The following OR2A14 variants were observed in gnomAD, a reference collection of about 807,000 sequenced individuals.
OR2A14 encodes the protein olfactory receptor family 2 subfamily A member 14, also known as olfactory receptor 2A14.
In OR2A14, 2 loss-of-function variants were observed where a neutral mutation model predicts 2.4. The observed-to-expected ratio is 0.85, with a 90% CI of 0.35 to 2.67. OR2A14 has a LOEUF of 2.67. Among genes scored for constraint, OR2A14 ranks in the 30% most tolerant of loss-of-function variants. The pLI is 0.10. For synonymous variants in OR2A14, 160 were observed against 156.3 expected, an observed-to-expected ratio of 1.02 and a Z score of -0.18; for missense variants, 390 against 379.4, an observed-to-expected ratio of 1.03 and a Z score of -0.23.
Position 144,130,050 on chromosome 7 carries a change from T to A in OR2A14, c.*5T>A, listed in dbSNP as rs755214261. 2.5e-6 allele frequency: 4 copies of A among 1,602,876 alleles called. No individual in the cohort carries two copies. Among genetic ancestry groups the A allele is most frequent in the Non-Finnish European group, 3.4e-6 (4 of 1,173,780 alleles). The stretch of plus-strand genomic sequence containing the variant: ...AGGAAGGAGAGGCTGACGTGAGACA[T>A]CTCAAAGGGAACCATGGGGAGGGAG... On this transcript the variant is annotated 3_prime_UTR_variant, in exon 2 of 2. Coordinates refer to ENST00000641068, the MANE Select transcript of OR2A14 (RefSeq NM_001001659.3).
intron 1 of OR2A14, among the ~76,000 whole-genome samples, chr7:144,126,057 T>C (rs2051480409): frequency 6.6e-6 from 1 of 152,186 alleles, no homozygotes; most frequent in Non-Finnish European, 1.5e-5. Context: ...GCTTCTCCTT[T>C]TCAGCTTGAT....
chr7:144,129,202 C>T lies in OR2A14; in HGVS notation c.90C>T (p.Phe30=), dbSNP rs779227163. ...PALEILLCGL[F]SAFYTLTLLG... The stretch of plus-strand genomic sequence containing the variant: ...TGGAGATTCTCCTCTGTGGACTTTT[C>T]TCTGCCTTCTATACACTCACCCTGC... Residue 30 remains phenylalanine (F), a synonymous_variant, in exon 2 of 2, where the codon TTC becomes TTT. Coordinates refer to ENST00000641068, the MANE Select transcript of OR2A14 (RefSeq NM_001001659.3). The T allele has an allele frequency of 3.1e-6, 5 of 1,613,182 alleles. No individual in the cohort carries two copies. Among genetic ancestry groups the T allele is most frequent in the Non-Finnish European group, 3.4e-6 (4 of 1,180,004 alleles).
At position 144,129,705 on chromosome 7, in the gene OR2A14, TC is replaced by T. The variant is rs1423714091; in HGVS notation, c.594del (p.Phe199LeufsTer27). ...GACACCTGGCTCAACCAGGTGGTCA[TC>T]TTTGCAGCCTGCGTGTTCATCCTGG... The part of the protein sequence containing the change: ...CADTWLNQVV[I>X]FAACVFILVG... On this transcript the variant is annotated frameshift_variant, in exon 2 of 2. Transcript: ENST00000641068. LOFTEE classifies it high-confidence loss of function. The T allele has an allele frequency of 6.2e-7, 1 of 1,614,146 alleles. No individual in the cohort carries two copies. The highest frequency in any genetic ancestry group is 1.1e-5 in the South Asian group (1 of 91,074).
chr7:144,127,742 GT>G (rs1433738814), intron 1 of OR2A14, among the ~76,000 whole-genome samples: 2 of 152,076 alleles, frequency 1.3e-5, no homozygotes, highest in East Asian at 1.9e-4. Flanking sequence ...CATCAAAATT[GT>G]TTTTTTAAAA....
intron 1 of OR2A14, among the ~76,000 whole-genome samples, chr7:144,127,273 G>A (rs1388606647): frequency 6.6e-6 from 1 of 152,184 alleles, no homozygotes; most frequent in African/African-American, 2.4e-5. Context: ...GTTTGCTTAT[G>A]AAAGTAACAG....
At chr7:144,123,551 AGAG>A (rs1180912898) in intron 1 of OR2A14, among the ~76,000 whole-genome samples, 4 of 152,206 alleles carry the variant, frequency 2.6e-5, no homozygotes, top group African/African-American at 9.6e-5. Context: ...GTGCCATAGA[AGAG>A]GATCAGATAA....
At position 144,130,022 on chromosome 7, in the gene OR2A14, C is replaced by A. The variant is rs1201043691; in HGVS notation, c.910C>A (p.Leu304Met). The change falls in exon 2 of 2, where the codon CTG becomes ATG. Residue 304 changes from leucine to methionine, a missense_variant. Physicochemically the swap from Leu to Met is conservative, Grantham distance 15 (BLOSUM62 2). Coordinates refer to ENST00000641068, the MANE Select transcript of OR2A14 (RefSeq NM_001001659.3). ...GGTCAAGGGCGCCCTGAGGAGGGCACTGAGGAAGGAGAGGCTGACGTGAGA... is the reference window on the plus strand; with the variant it reads ...GGTCAAGGGCGCCCTGAGGAGGGCAATGAGGAAGGAGAGGCTGACGTGAGA... Reference protein sequence around the residue: ...AEVKGALRRALRKERLT With the variant: ...AEVKGALRRAMRKERLT 12 of 1,612,644 alleles carry A rather than the reference C, an allele frequency of 7.4e-6. No individual in the cohort carries two copies. The East Asian group carries it at 2.7e-4, about 36-fold the overall frequency.
At chr7:144,126,439 A>C (rs1327653604) in intron 1 of OR2A14, among the ~76,000 whole-genome samples, 1 of 152,112 alleles carries the variant, frequency 6.6e-6, no homozygotes, top group Non-Finnish European at 1.5e-5. Flanking sequence ...CTTTGCGTTT[A>C]CTGTTCCATT....
At chr7:144,127,107 A>G (rs930063174) in intron 1 of OR2A14, among the ~76,000 whole-genome samples, 5 of 152,200 alleles carry the variant, frequency 3.3e-5, no homozygotes, top group African/African-American at 1.2e-4. Context: ...ACATCACCTT[A>G]ATATTACTTC....
At chr7:144,126,403 C>T (rs2051483457) in intron 1 of OR2A14, among the ~76,000 whole-genome samples, 2 of 152,182 alleles carry the variant, frequency 1.3e-5, no homozygotes. Context: ...CTTCCCAGAA[C>T]TCACCAAGTG....
intron 1 of OR2A14, among the ~76,000 whole-genome samples, chr7:144,127,885 C>T (rs75354889): frequency 0.016 from 2,400 of 152,252 alleles, 64 homozygotes; most frequent in African/African-American, 0.054. Context: ...TGAGGCCATC[C>T]GTCCTGTTCA....
Position 144,130,105 on chromosome 7 carries a change from CTT to C in OR2A14, c.*70_*71del, listed in dbSNP as rs34308692. 3,297 of 1,078,322 alleles carry C rather than the reference CTT, an allele frequency of 3.1e-3. No individual in the cohort carries two copies. Among genetic ancestry groups the C allele is most frequent in the Middle Eastern group, 3.4e-3 (15 of 4,372 alleles). The allele number at this position is 1,078,322 out of a possible 1,614,324, so 66.8% of individuals were successfully genotyped here. A position where few individuals can be genotyped will look rare whatever the true frequency, so the allele number is the denominator to read the frequency against. ...GCTCCCTGCAAAATATAGAAGTTGG[CTT>C]TTTTTTTTTGTCTTCTGCTAGAATA... On this transcript the variant is annotated 3_prime_UTR_variant, in exon 2 of 2. Coordinates refer to ENST00000641068, the MANE Select transcript of OR2A14 (RefSeq NM_001001659.3).
Position 144,129,207 on chromosome 7 carries a change from C to T in OR2A14, c.95C>T (p.Ala32Val), listed in dbSNP as rs183164379. ...ATTCTCCTCTGTGGACTTTTCTCTG[C>T]CTTCTATACACTCACCCTGCTGGGG... The part of the protein sequence containing the change: ...LEILLCGLFS[A>V]FYTLTLLGNG... The change falls in exon 2 of 2, where the codon GCC (alanine) becomes GTC (valine). Residue 32 changes from alanine (A) to valine (V), a missense_variant. By Grantham distance (64) the Ala-to-Val change is moderately conservative (BLOSUM62 0). Coordinates refer to ENST00000641068, the MANE Select transcript of OR2A14 (RefSeq NM_001001659.3). The T allele has an allele frequency of 4.0e-4, 650 of 1,613,466 alleles. 1 individual carries two copies. Among genetic ancestry groups the T allele is most frequent in the Middle Eastern group, 2.0e-3 (12 of 6,060 alleles).
chr7:144,125,584 A>G (rs1384999910), intron 1 of OR2A14, among the ~76,000 whole-genome samples: 1 of 152,242 alleles, frequency 6.6e-6, no homozygotes, highest in Non-Finnish European at 1.5e-5. Flanking sequence ...TTTTGTGTGT[A>G]GGTAGCCACC....
rs571073012 is a variant in OR2A14 at position 144,129,218 on chromosome 7, C to T, written c.106C>T (p.Leu36Phe). ...LCGLFSAFYT[L>F]TLLGNGVIFG... ...TGGACTTTTCTCTGCCTTCTATACA[C>T]TCACCCTGCTGGGGAATGGGGTCAT... The change falls in exon 2 of 2, where the codon CTC becomes TTC. Residue 36 changes from leucine (L) to phenylalanine (F), a missense_variant. Transcript: ENST00000641068. 4 of 1,614,108 alleles carry T rather than the reference C, an allele frequency of 2.5e-6. No homozygotes were observed. In the East Asian group the frequency reaches 8.9e-5, roughly 36 times the overall value.
intron 1 of OR2A14, among the ~76,000 whole-genome samples, chr7:144,128,394 G>A (rs2051498379): frequency 6.6e-6 from 1 of 152,158 alleles, no homozygotes; most frequent in African/African-American, 2.4e-5. Context: ...AATAACAGAT[G>A]CTGATGAAGA....
At chr7:144,128,759 C>G (rs2051501871) in intron 1 of OR2A14, among the ~76,000 whole-genome samples, 1 of 152,130 alleles carries the variant, frequency 6.6e-6, no homozygotes, top group Non-Finnish European at 1.5e-5. Context: ...AGATTTCACA[C>G]TGAAAGGGAA....
intron 1 of OR2A14, among the ~76,000 whole-genome samples, chr7:144,128,172 C>T (rs372484788): frequency 1.3e-5 from 2 of 152,306 alleles, no homozygotes; most frequent in East Asian, 1.9e-4. Context: ...GAGATGTCAA[C>T]ATATTAAGTT....
chr7:144,129,164 G>C lies in OR2A14; in HGVS notation c.52G>C (p.Val18Leu). 2 of 1,612,452 alleles carry C rather than the reference G, an allele frequency of 1.2e-6. No homozygotes were observed. The highest frequency in any genetic ancestry group is 1.7e-6 in the Non-Finnish European group (2 of 1,180,002). The change falls in exon 2 of 2, where the codon GTT becomes CTT. Residue 18 changes from valine (V) to leucine (L), a missense_variant. Val to Leu is a conservative substitution (Grantham distance 32, BLOSUM62 1). Coordinates refer to ENST00000641068, the MANE Select transcript of OR2A14 (RefSeq NM_001001659.3). ...ITDITLPRFQ[V>L]GPALEILLCG... ...AGACATCACCTTGCCGCGATTCCAG[G>C]TTGGTCCAGCACTGGAGATTCTCCT...
Sources: gnomAD v4.1 joint callset for allele counts (sites outside exome capture counted in the v4.1 genomes callset) on GRCh38, gnomAD v4.1.1 for gene constraint, MANE v1.5 for transcripts, NCBI Gene and HGNC (gene_info 2026-07-23, HGNC 2026-07-21) for gene names.